UNC5D: variants seen among roughly 807,000 people sequenced by gnomAD.
UNC5D encodes netrin receptor UNC5D.
In UNC5D, 39 loss-of-function variants were observed where a neutral mutation model predicts 105.4. The ratio of observed to expected loss-of-function variants is 0.37; its 90% confidence interval spans 0.29 to 0.48. The LOEUF is 0.48. UNC5D is among the 20% of genes least tolerant of loss of function. UNC5D has a pLI of 0.98. For synonymous variants in UNC5D, 452 were observed against 450.4 expected (o/e 1.00, Z -0.04); for missense variants, 991 against 1,202.4 (o/e 0.82, Z 2.60).
chr8:35,452,227 A>C (rs187195172), intron 1 of UNC5D, among the ~76,000 whole-genome samples: 2 of 152,264 alleles, frequency 1.3e-5, no homozygotes, highest in East Asian at 3.9e-4. Flanking sequence ...GTACACGTGT[A>C]TGTGTGCAGA....
At chr8:35,482,696 T>G (rs1810558110) in intron 1 of UNC5D, among the ~76,000 whole-genome samples, 1 of 151,770 alleles carries the variant, frequency 6.6e-6, no homozygotes, top group Admixed American at 6.6e-5. Context: ...CTCATGAAAC[T>G]TAGAGACTAC....
intron 7 of UNC5D, among the ~76,000 whole-genome samples, chr8:35,701,299 A>T (rs1324858471): frequency 6.6e-6 from 1 of 152,186 alleles, no homozygotes; most frequent in Non-Finnish European, 1.5e-5. Flanking sequence ...TCAAGTAATC[A>T]CCAGCTACAG....
intron 13 of UNC5D, among the ~76,000 whole-genome samples, chr8:35,757,506 T>G (rs182490504): frequency 6.6e-6 from 1 of 152,298 alleles, no homozygotes; most frequent in Admixed American, 6.5e-5. Context: ...CTAGACTCCT[T>G]TCCTGGTCTG....
chr8:35,750,752 C>G lies in UNC5D; in HGVS notation c.2106C>G (p.Asn702Lys). ...CGGTTTTTGGCTGCATGTCCTGTAACTCCCTGGATTACAACTTGAGAGTTT... is the reference window on the plus strand; with the variant it reads ...CGGTTTTTGGCTGCATGTCCTGTAAGTCCCTGGATTACAACTTGAGAGTTT... ...KVAVFGCMSC[N>K]SLDYNLRVYC... The change falls in exon 13 of 17, where the codon AAC (asparagine) becomes AAG (lysine). Residue 702 changes from asparagine (N) to lysine (K), a missense_variant. Physicochemically the swap from Asn to Lys is moderately conservative, Grantham distance 94. Transcript: ENST00000404895. 1 of 1,614,144 alleles carries G rather than the reference C, an allele frequency of 6.2e-7. No individual in the cohort carries two copies. The highest frequency in any genetic ancestry group is 8.5e-7 in the Non-Finnish European group (1 of 1,180,018).
chr8:35,538,515 T>G (rs1815038388), intron 1 of UNC5D, among the ~76,000 whole-genome samples: 1 of 150,090 alleles, frequency 6.7e-6, no homozygotes, highest in African/African-American at 2.4e-5. Flanking sequence ...TGTTTGAATT[T>G]GAATTTTGGA....
At chr8:35,305,593 C>CTTACTTTCA (rs1808302804) in intron 1 of UNC5D, among the ~76,000 whole-genome samples, 1 of 142,022 alleles carries the variant, frequency 7.0e-6, no homozygotes, top group East Asian at 2.1e-4. Context: ...TTCTTTCTTT[C>CTTACTTTCA]TTTCTTTCTT....
At chr8:35,658,443 A>T (rs1438179016) in intron 4 of UNC5D, among the ~76,000 whole-genome samples, 1 of 152,142 alleles carries the variant, frequency 6.6e-6, no homozygotes, top group Non-Finnish European at 1.5e-5. Context: ...TTTCCATCCC[A>T]TTTAAGACTG....
intron 1 of UNC5D, chr8:35,525,648 A>G (rs1046509964): frequency 1.9e-6 from 3 of 1,613,274 alleles, no homozygotes. Context: ...TTTTAAAGCC[A>G]GCATTTTGGA....
chr8:35,595,255 G>A (rs1220497715), intron 3 of UNC5D, among the ~76,000 whole-genome samples: 2 of 152,066 alleles, frequency 1.3e-5, no homozygotes, highest in Non-Finnish European at 2.9e-5. Flanking sequence ...GATAATGCTG[G>A]CAAAGACTCA....
intron 1 of UNC5D, among the ~76,000 whole-genome samples, chr8:35,539,255 G>T (rs2589745): frequency 0.23 from 34,541 of 151,742 alleles, 4,258 homozygotes; most frequent in African/African-American, 0.33. Flanking sequence ...GGTGACAATG[G>T]GTAGGAATAT....
chr8:35,604,926 A>C (rs1303489924), intron 4 of UNC5D, among the ~76,000 whole-genome samples: 1 of 152,050 alleles, frequency 6.6e-6, no homozygotes, highest in Non-Finnish European at 1.5e-5. Flanking sequence ...TGCATTGGTT[A>C]TTCTAGTTTT....
rs942013684 is a variant in UNC5D, at chr8:35,795,811, T to C, written c.*5248T>C. The C allele has an allele frequency of 5.3e-5, 8 of 152,150 alleles. No homozygotes were observed. The highest frequency in any genetic ancestry group is 2.1e-4 in the South Asian group (1 of 4,822). 9.4% of individuals were successfully genotyped at this position (152,150 alleles called of 1,614,324 possible). A position where few individuals can be genotyped will look rare whatever the true frequency, so the allele number is the denominator to read the frequency against. On this transcript the variant is annotated 3_prime_UTR_variant, in exon 17 of 17. Coordinates refer to ENST00000404895, the MANE Select transcript of UNC5D (RefSeq NM_080872.4). ...AAGAACAATGTTCTCCTTTTCCAAA[T>C]TGGAATAAAGACTCAGAATTACCCA... is the stretch of plus-strand genomic sequence containing the variant.
intron 4 of UNC5D, among the ~76,000 whole-genome samples, chr8:35,681,817 T>A (rs1472254000): frequency 6.6e-6 from 1 of 152,232 alleles, no homozygotes; most frequent in Non-Finnish European, 1.5e-5. Context: ...TGGATGGTGA[T>A]GATTTGGGAT....
chr8:35,564,023 T>C (rs1009077399), intron 2 of UNC5D, among the ~76,000 whole-genome samples: 69 of 152,196 alleles, frequency 4.5e-4, no homozygotes, highest in African/African-American at 1.6e-3. Flanking sequence ...TAGTATTTCA[T>C]TGAGGATCTG....
intron 1 of UNC5D, among the ~76,000 whole-genome samples, chr8:35,460,240 G>A (rs1224269946): frequency 6.6e-6 from 1 of 152,136 alleles, no homozygotes; most frequent in Non-Finnish European, 1.5e-5. Flanking sequence ...TGGGGGTAGG[G>A]GGGCAGCATT....
intron 7 of UNC5D, among the ~76,000 whole-genome samples, chr8:35,699,706 T>C (rs1316488016): frequency 1.3e-5 from 2 of 152,132 alleles, no homozygotes; most frequent in African/African-American, 4.8e-5. Flanking sequence ...TTGTGATGTC[T>C]ATACAGGCTG....
chr8:35,367,691 A>G (rs762041365), intron 1 of UNC5D, among the ~76,000 whole-genome samples: 3 of 152,080 alleles, frequency 2.0e-5, no homozygotes, highest in Non-Finnish European at 2.9e-5. Context: ...TCAGGGACAT[A>G]CATAAAACAG....
Position 35,347,626 on chromosome 8 carries a change from A to G in UNC5D, c.103+111739A>G, listed in dbSNP as rs17341535. On this transcript the variant is annotated intron_variant, in intron 1 of 16. Transcript: ENST00000404895. ...GGTTGGAAGGTATTTGAGTGTCATC[A>G]TACCTTACTGCTCAAACTCCAACAC... Among the ~76,000 whole-genome samples the G allele has an allele frequency of 4.4e-3, 663 of 152,100 alleles. 4 individuals are homozygous for G. The highest frequency in any genetic ancestry group is 6.8e-3 in the Non-Finnish European group (462 of 67,932).
At chr8:35,522,469 A>G (rs774360937) in intron 1 of UNC5D, among the ~76,000 whole-genome samples, 1 of 152,232 alleles carries the variant, frequency 6.6e-6, no homozygotes, top group Non-Finnish European at 1.5e-5. Context: ...ATTTCAATCA[A>G]TTGCTGAAAT....
Sources: gnomAD v4.1 joint callset for allele counts (sites outside exome capture counted in the v4.1 genomes callset) on GRCh38, gnomAD v4.1.1 for gene constraint, MANE v1.5 for transcripts, NCBI Gene and HGNC (gene_info 2026-07-23, HGNC 2026-07-21) for gene names.